The following WWOX variants were observed in gnomAD, a reference collection of about 807,000 sequenced individuals.
WWOX encodes the protein WW domain containing oxidoreductase.
In WWOX, 69 loss-of-function variants were observed where a neutral mutation model predicts 46.2. The ratio of observed to expected loss-of-function variants is 1.49; its 90% CI spans 1.23 to 1.82. The LOEUF (loss-of-function observed/expected upper bound fraction) is 1.82, where lower values mean the gene tolerates loss of function less well. WWOX is among the 40% of genes most tolerant of loss of function. The pLI is 0.00. For missense variants in WWOX, 919 were observed against 542.6 expected (o/e 1.69, Z -6.89); for synonymous variants, 359 against 202.6 (o/e 1.77, Z -6.56).
At chr16:78,170,008 A>G (rs934380103) in intron 5 of WWOX, among the ~76,000 whole-genome samples, 5 of 152,196 alleles carry the variant, frequency 3.3e-5, no homozygotes, top group Non-Finnish European at 7.3e-5. Context: ...GAGGGCTGGT[A>G]TGGGAAGAGG....
intron 8 of WWOX, among the ~76,000 whole-genome samples, chr16:79,176,624 C>G (rs960096588): frequency 3.3e-5 from 5 of 152,128 alleles, no homozygotes; most frequent in African/African-American, 1.2e-4. Context: ...GTCTGTGTGT[C>G]TTCATGTCAT....
intron 8 of WWOX, among the ~76,000 whole-genome samples, chr16:78,470,919 C>T (rs893959617): frequency 2.6e-5 from 4 of 152,202 alleles, no homozygotes; most frequent in African/African-American, 9.6e-5. Context: ...GTGCCTACTT[C>T]ACAGCCTTCC....
intron 8 of WWOX, among the ~76,000 whole-genome samples, chr16:79,163,128 T>C (rs1431054557): frequency 3.3e-5 from 5 of 152,146 alleles, no homozygotes; most frequent in African/African-American, 2.4e-5. Context: ...AGATGGCTCA[T>C]TGTGTGTGTT....
chr16:78,304,202 A>T (rs949163511), intron 5 of WWOX, among the ~76,000 whole-genome samples: 1 of 152,218 alleles, frequency 6.6e-6, no homozygotes, highest in Non-Finnish European at 1.5e-5. Context: ...AATAACCAGG[A>T]CATCTGATTC....
At chr16:79,147,113 G>T (rs1283891080) in intron 8 of WWOX, among the ~76,000 whole-genome samples, 1 of 152,156 alleles carries the variant, frequency 6.6e-6, no homozygotes, top group African/African-American at 2.4e-5. Flanking sequence ...GTATATGTGT[G>T]TCTGTGTCTA....
intron 5 of WWOX, among the ~76,000 whole-genome samples, chr16:78,329,439 C>A (rs190135485): frequency 6.6e-6 from 1 of 152,158 alleles, no homozygotes; most frequent in East Asian, 1.9e-4. Flanking sequence ...CTGACCCTGT[C>A]GCCAGTAGCC....
chr16:78,707,919 G>A (rs551241978), intron 8 of WWOX, among the ~76,000 whole-genome samples: 1 of 151,990 alleles, frequency 6.6e-6, no homozygotes, highest in Non-Finnish European at 1.5e-5. Context: ...AATGCTATTC[G>A]GTTGGTGCAA....
chr16:79,032,111 T>G (rs990695833), intron 8 of WWOX, among the ~76,000 whole-genome samples: 1 of 145,188 alleles, frequency 6.9e-6, no homozygotes, highest in Non-Finnish European at 1.5e-5. Flanking sequence ...ATAATTTATA[T>G]ATAAATATGT....
chr16:78,649,098 C>T (rs1189819926), intron 8 of WWOX, among the ~76,000 whole-genome samples: 1 of 152,098 alleles, frequency 6.6e-6, no homozygotes, highest in East Asian at 1.9e-4. Flanking sequence ...CTCAGTCTCC[C>T]AAGTAGCTGA....
intron 8 of WWOX, among the ~76,000 whole-genome samples, chr16:78,980,519 A>C (rs2046659869): frequency 6.6e-6 from 1 of 152,234 alleles, no homozygotes; most frequent in African/African-American, 2.4e-5. Context: ...ATCCAGTCTC[A>C]ATTAAAATAC....
intron 6 of WWOX, among the ~76,000 whole-genome samples, chr16:78,411,689 C>G (rs1020259826): frequency 2.0e-5 from 3 of 152,052 alleles, no homozygotes; most frequent in African/African-American, 4.8e-5. Flanking sequence ...AGGCTTTAAC[C>G]AGTATTCATA....
rs9933420 is a variant in WWOX at position 79,095,113 on chromosome 16, G to T, written c.1057-116495G>T. Among the ~76,000 whole-genome samples, 38 of 152,116 alleles carry T rather than the reference G, an allele frequency of 2.5e-4. No individual in the cohort carries two copies. In the East Asian group the frequency reaches 5.6e-3, roughly 22 times the overall value. On this transcript the variant is annotated intron_variant, in intron 8 of 8. Transcript: ENST00000566780. The stretch of plus-strand genomic sequence containing the variant: ...CCAGCCCCGTTCTATTGCAAAGGAG[G>T]CTTCTCTAAAAGGCTTCCCAATGCC...
intron 8 of WWOX, among the ~76,000 whole-genome samples, chr16:78,993,535 C>G (rs760491978): frequency 6.6e-6 from 1 of 152,164 alleles, no homozygotes; most frequent in Non-Finnish European, 1.5e-5. Flanking sequence ...CAAAGGAGGA[C>G]TATTACAGTG....
intron 8 of WWOX, among the ~76,000 whole-genome samples, chr16:78,709,135 T>C (rs910639501): frequency 6.6e-6 from 1 of 152,170 alleles, no homozygotes; most frequent in African/African-American, 2.4e-5. Flanking sequence ...CCTCGTTCTC[T>C]AAATCCATGA....
chr16:78,990,529 A>G (rs987342208), intron 8 of WWOX, among the ~76,000 whole-genome samples: 2 of 152,220 alleles, frequency 1.3e-5, no homozygotes, highest in African/African-American at 4.8e-5. Context: ...TGCACATCAC[A>G]CTGACAACAG....
At chr16:79,195,293 G>C (rs1411372864) in intron 8 of WWOX, among the ~76,000 whole-genome samples, 1 of 152,046 alleles carries the variant, frequency 6.6e-6, no homozygotes, top group Non-Finnish European at 1.5e-5. Flanking sequence ...ATGGGGTGGA[G>C]GGAGGATTGA....
intron 8 of WWOX, among the ~76,000 whole-genome samples, chr16:78,872,393 G>T (rs1286741770): frequency 6.6e-6 from 1 of 152,160 alleles, no homozygotes; most frequent in African/African-American, 2.4e-5. Flanking sequence ...TCATTATTAT[G>T]AAAATAGCCA....
intron 5 of WWOX, among the ~76,000 whole-genome samples, chr16:78,201,638 C>G (rs925075333): frequency 1.3e-5 from 2 of 152,068 alleles, no homozygotes; most frequent in African/African-American, 4.8e-5. Flanking sequence ...TTACCCCTCT[C>G]CCAGACCCCC....
chr16:78,617,580 G>A (rs1276831301), intron 8 of WWOX, among the ~76,000 whole-genome samples: 1 of 152,164 alleles, frequency 6.6e-6, no homozygotes, highest in Non-Finnish European at 1.5e-5. Context: ...GCTTGTGTGT[G>A]TTCTGAGGAA....
Sources: allele counts gnomAD v4.1 joint callset (sites outside exome capture counted in the v4.1 genomes callset), GRCh38; gene constraint gnomAD v4.1.1; transcripts MANE v1.5; gene names NCBI Gene and HGNC (gene_info 2026-07-23, HGNC 2026-07-21).